SIL1: variants seen among roughly 807,000 people sequenced by gnomAD.
SIL1 encodes SIL1 nucleotide exchange factor, also known as nucleotide exchange factor SIL1.
In SIL1, 40 loss-of-function variants were observed where a neutral mutation model predicts 49.1. The ratio of observed to expected loss-of-function variants is 0.81; its 90% CI spans 0.63 to 1.06. The LOEUF (loss-of-function observed/expected upper bound fraction) is 1.06. SIL1 is among the 50% of genes least tolerant of loss of function. SIL1 has a pLI of 0.00. For missense variants in SIL1, 500 were observed against 572.6 expected (o/e 0.87, Z 1.29); for synonymous variants, 253 against 250.8 (o/e 1.01, Z -0.08).
At position 139,022,818 on chromosome 5, in the gene SIL1, G is replaced by C. The variant is rs543096769; in HGVS notation, c.646-1526C>G. Among the ~76,000 whole-genome samples the C allele has an allele frequency of 3.3e-5, 5 of 152,310 alleles. No individual in the cohort carries two copies. The South Asian group carries it at 1.0e-3, about 32-fold the overall frequency. On this transcript the variant is annotated intron_variant, in intron 6 of 9. Transcript: ENST00000394817. The stretch of plus-strand genomic sequence containing the variant: ...CAGCTAACTAGGGAGACTCAGGGTT[G>C]GGTGCTTTGCTGACATAAGCACCTT...
intron 1 of SIL1, among the ~76,000 whole-genome samples, chr5:139,146,806 T>C (rs773490410): frequency 1.3e-5 from 2 of 152,200 alleles, no homozygotes; most frequent in Non-Finnish European, 2.9e-5. Flanking sequence ...TTTTCTAATA[T>C]GAAACCACCC....
At chr5:139,072,105 T>C (rs961258873) in intron 3 of SIL1, among the ~76,000 whole-genome samples, 2 of 152,204 alleles carry the variant, frequency 1.3e-5, no homozygotes, top group Non-Finnish European at 2.9e-5. Flanking sequence ...CTGTGGCATA[T>C]ATTTTAAAAA....
chr5:139,060,215 T>G (rs1183297899), intron 3 of SIL1, among the ~76,000 whole-genome samples: 1 of 152,218 alleles, frequency 6.6e-6, no homozygotes, highest in Non-Finnish European at 1.5e-5. Context: ...GAACTATTAC[T>G]GTGGTTCTAA....
At chr5:138,980,979 C>T (rs535413584) in intron 7 of SIL1, among the ~76,000 whole-genome samples, 14 of 152,028 alleles carry the variant, frequency 9.2e-5, no homozygotes, top group Middle Eastern at 3.4e-3. Flanking sequence ...CCGAGGCAGG[C>T]GGATCACTTG....
Position 138,951,244 on chromosome 5 carries a change from A to G in SIL1, c.956T>C (p.Leu319Pro). Residue 319 changes from leucine (L) to proline (P), a missense_variant, in exon 9 of 10, where the codon CTG becomes CCG. Physicochemically the swap from Leu to Pro is moderately conservative, Grantham distance 98. Transcript: ENST00000394817. ...CACCTCCGTGCCCTTCTCCTGCACC[A>G]GGGTCCTCAGGACCTGCAGCCCCCC... ...KLGGLQVLRT[L>P]VQEKGTEVLA... 6.2e-7 allele frequency: 1 copy of G among 1,600,236 alleles called. No homozygotes were observed. Among genetic ancestry groups the G allele is most frequent in the Non-Finnish European group, 8.5e-7 (1 of 1,173,136 alleles).
chr5:139,145,862 C>T (rs1024989439), intron 1 of SIL1, among the ~76,000 whole-genome samples: 13 of 151,030 alleles, frequency 8.6e-5, no homozygotes, highest in Non-Finnish European at 1.9e-4. Context: ...GGTTTGAGGC[C>T]AGCCTGGGCA....
At chr5:139,193,818 C>T (rs1752217827) in intron 1 of SIL1, among the ~76,000 whole-genome samples, 1 of 152,126 alleles carries the variant, frequency 6.6e-6, no homozygotes, top group Non-Finnish European at 1.5e-5. Flanking sequence ...CCTGGGAAAA[C>T]TGGCATGGTG....
At chr5:138,961,546 G>C (rs1767019451) in intron 7 of SIL1, among the ~76,000 whole-genome samples, 1 of 151,898 alleles carries the variant, frequency 6.6e-6, no homozygotes, top group Non-Finnish European at 1.5e-5. Flanking sequence ...ACTCTCAACA[G>C]TAGCTGCACA....
chr5:139,021,165 G>A lies in SIL1; in HGVS notation c.767+6C>T. 6.2e-7 allele frequency: 1 copy of A among 1,614,092 alleles called. No individual in the cohort carries two copies. Among genetic ancestry groups the A allele is most frequent in the Non-Finnish European group, 8.5e-7 (1 of 1,180,012 alleles). Reference sequence around the variant, plus strand: ...TGGCCATTGGGACGTCCATTATACTGCTCACCTGGAAAAGGCAGCGCCCAG... The same window carrying A: ...TGGCCATTGGGACGTCCATTATACTACTCACCTGGAAAAGGCAGCGCCCAG... On this transcript the variant is annotated splice_donor_region_variant and intron_variant, in intron 7 of 9. Transcript: ENST00000394817.
Position 139,158,587 on chromosome 5 carries a change from C to T in SIL1, c.-10-30734G>A, listed in dbSNP as rs143937121. 4.3e-3 allele frequency among the ~76,000 whole-genome samples: 660 copies of T among 152,278 alleles called. 4 individuals carry two copies. The highest frequency in any genetic ancestry group is 6.6e-3 in the Non-Finnish European group (452 of 68,022). ...CCTGATCTCAGCAGGCTGTCACCAGCAAGATCCTCATTCATCGCACCATGA... is the reference window on the plus strand; with the variant it reads ...CCTGATCTCAGCAGGCTGTCACCAGTAAGATCCTCATTCATCGCACCATGA... On this transcript the variant is annotated intron_variant, in intron 1 of 9. Coordinates refer to ENST00000394817, the MANE Select transcript of SIL1 (RefSeq NM_022464.5).
chr5:139,065,102 T>A (rs550713278), intron 3 of SIL1, among the ~76,000 whole-genome samples: 27 of 152,172 alleles, frequency 1.8e-4, no homozygotes, highest in Non-Finnish European at 3.8e-4. Context: ...GAAGAGTACA[T>A]GATTTTTTAG....
chr5:139,167,671 A>T (rs186051745), intron 1 of SIL1, among the ~76,000 whole-genome samples: 215 of 152,264 alleles, frequency 1.4e-3, no homozygotes, highest in Middle Eastern at 6.8e-3. Context: ...TGAAGAAAAA[A>T]TTTTTTATAA....
chr5:139,057,951 T>G (rs1769492471), intron 3 of SIL1, among the ~76,000 whole-genome samples: 1 of 152,312 alleles, frequency 6.6e-6, no homozygotes, highest in South Asian at 2.1e-4. Flanking sequence ...CGTGGAACTC[T>G]CATGACCTCA....
chr5:138,973,112 T>A (rs1767316703), intron 7 of SIL1, among the ~76,000 whole-genome samples: 1 of 150,198 alleles, frequency 6.7e-6, no homozygotes, highest in Non-Finnish European at 1.5e-5. Flanking sequence ...CCCAAGCCAA[T>A]TAAAGGTTAT....
chr5:139,163,983 G>C (rs759561203), intron 1 of SIL1, among the ~76,000 whole-genome samples: 3 of 152,098 alleles, frequency 2.0e-5, no homozygotes, highest in Non-Finnish European at 4.4e-5. Context: ...GCTGGGTATG[G>C]TGGCGTAAGC....
chr5:139,134,258 C>T (rs1750926545), intron 1 of SIL1, among the ~76,000 whole-genome samples: 2 of 152,198 alleles, frequency 1.3e-5, no homozygotes, highest in South Asian at 4.1e-4. Context: ...GCTGGGACTA[C>T]TACCGAGTAG....
chr5:139,098,518 A>G (rs1202007946), intron 3 of SIL1, among the ~76,000 whole-genome samples: 1 of 152,012 alleles, frequency 6.6e-6, no homozygotes, highest in Admixed American at 6.5e-5. Flanking sequence ...GAAAATCTCC[A>G]GGACACTGGT....
chr5:139,121,302 C>T (rs1750631194), intron 2 of SIL1, 129 bp from the exon 3 acceptor site: 1 of 1,289,456 alleles, frequency 7.8e-7, no homozygotes, highest in South Asian at 1.3e-5. Flanking sequence ...TGTCTGGACA[C>T]TCGCAATTCC....
intron 7 of SIL1, among the ~76,000 whole-genome samples, chr5:138,978,937 T>C (rs1338163034): frequency 4.6e-5 from 7 of 152,346 alleles, no homozygotes; most frequent in African/African-American, 1.7e-4. Context: ...AAACATTCTT[T>C]AGGTATTCTA....
Sources: gnomAD v4.1 joint callset for allele counts (sites outside exome capture counted in the v4.1 genomes callset) on GRCh38, gnomAD v4.1.1 for gene constraint, MANE v1.5 for transcripts, NCBI Gene and HGNC (gene_info 2026-07-23, HGNC 2026-07-21) for gene names.